Variants in CASKIN1 observed in about 807,000 individuals in gnomAD.
CASKIN1 encodes CASK interacting protein 1, also known as caskin-1.
CASKIN1 carries 42 observed loss-of-function variants against 117.5 expected under a neutral mutation model. The ratio of observed to expected loss-of-function variants is 0.36; its 90% CI spans 0.28 to 0.46. CASKIN1 has a LOEUF of 0.46. Among genes scored for constraint, CASKIN1 ranks in the 20% least tolerant of loss-of-function variants. The pLI is 1.00. For synonymous variants in CASKIN1, 1,148 were observed against 961.7 expected, an observed-to-expected ratio of 1.19 and a Z score of -3.59; for missense variants, 2,083 against 2,077.3, an observed-to-expected ratio of 1.00 and a Z score of -0.05.
In CASKIN1 at chr16:2,178,478, C is replaced by T; in HGVS notation, c.*72G>A. 5.6e-6 allele frequency: 7 copies of T among 1,252,238 alleles called. No homozygotes were observed. Among genetic ancestry groups the T allele is most frequent in the South Asian group, 4.4e-5 (3 of 68,674 alleles). 77.6% of individuals were successfully genotyped at this position (1,252,238 alleles called of 1,614,324 possible). On this transcript the variant is annotated 3_prime_UTR_variant, in exon 20 of 20. Transcript: ENST00000343516. ...CGGCCGCTCGCGCCGCGCCCAGACG[C>T]GCCCATCCTGAGGTATAGGTCAGTG...
intron 1 of CASKIN1, among the ~76,000 whole-genome samples, chr16:2,194,455 G>A (rs2093210053): frequency 1.3e-5 from 2 of 152,176 alleles, no homozygotes; most frequent in African/African-American, 4.8e-5. Context: ...CTGGAGGGAA[G>A]GGACTGGGCA....
At chr16:2,195,096 G>A (rs570142644) in intron 1 of CASKIN1, among the ~76,000 whole-genome samples, 4 of 152,350 alleles carry the variant, frequency 2.6e-5, no homozygotes, top group African/African-American at 9.6e-5. Flanking sequence ...TCCAGGCTCA[G>A]CTGAGGCTGC....
rs774739357 is a variant in CASKIN1 at position 2,178,880 on chromosome 16, C to T, written c.4199+22G>A. 14 of 1,418,302 alleles carry T rather than the reference C, an allele frequency of 9.9e-6. No homozygotes were observed. In the South Asian group the frequency reaches 1.9e-4, roughly 19 times the overall value. The allele number at this position is 1,418,302 out of a possible 1,614,324, so 87.9% of individuals were successfully genotyped here. ...TCTGCCGAGCCCCGCCCTCCGCCCG[C>T]CAGGCCCCGCCCCGCACCTACCGCG... On this transcript the variant is annotated intron_variant, in intron 19 of 19. Coordinates refer to ENST00000343516, the MANE Select transcript of CASKIN1 (RefSeq NM_020764.4).
Position 2,180,423 on chromosome 16 carries a change from T to A in CASKIN1, c.2945A>T (p.Gln982Leu). 1 of 1,570,934 alleles carries A rather than the reference T, an allele frequency of 6.4e-7. No homozygotes were observed. The highest frequency in any genetic ancestry group is 8.6e-7 in the Non-Finnish European group (1 of 1,165,788). The stretch of plus-strand genomic sequence containing the variant: ...GGCCAGGTCACTGGCCCGCCGGCAC[T>A]GTGCCCGGACCCCCAGCAGGCCATC... ...PEDGLLGVRAQCRRASDLAGS... is the reference protein window; with the variant it reads ...PEDGLLGVRALCRRASDLAGS... The change falls in exon 18 of 20, where the codon CAG becomes CTG. Residue 982 changes from glutamine to leucine, a missense_variant. By Grantham distance (113) the Gln-to-Leu change is moderately radical. Transcript: ENST00000343516.
chr16:2,189,416 C>T lies in CASKIN1; in HGVS notation c.390+3G>A. The stretch of plus-strand genomic sequence containing the variant: ...CGCTGCCCCGCCCCCGCTCGGGCCT[C>T]ACCACATCATAGTGACCATGCTGGG... On this transcript the variant is annotated splice_donor_region_variant and intron_variant, in intron 4 of 19. Transcript: ENST00000343516. The T allele has an allele frequency of 1.9e-6, 3 of 1,611,324 alleles. No homozygotes were observed. Among genetic ancestry groups the T allele is most frequent in the Non-Finnish European group, 2.5e-6 (3 of 1,179,306 alleles).
At position 2,189,427 on chromosome 16, in the gene CASKIN1, A is replaced by G; in HGVS notation, c.382T>C (p.Tyr128His). 6.2e-7 allele frequency: 1 copy of G among 1,611,566 alleles called. No individual in the cohort carries two copies. Among genetic ancestry groups the G allele is most frequent in the African/African-American group, 1.3e-5 (1 of 74,972 alleles). Residue 128 changes from tyrosine (Y) to histidine (H), a missense_variant, in exon 4 of 20, where the codon TAT becomes CAT. By Grantham distance (83) the Tyr-to-His change is moderately conservative (BLOSUM62 2). Transcript: ENST00000343516. The stretch of plus-strand genomic sequence containing the variant: ...CCCCGCTCGGGCCTCACCACATCAT[A>G]GTGACCATGCTGGGCCGCCAGGTGC... ...PLHLAAQHGH[Y>H]DVSEMLLQHQ...
rs1322523099 is a variant in CASKIN1, at chr16:2,190,390, G to A, written c.95-32C>T. 3 of 1,554,538 alleles carry A rather than the reference G, an allele frequency of 1.9e-6. No homozygotes were observed. The Middle Eastern group carries it at 5.2e-4, about 271-fold the overall frequency. On this transcript the variant is annotated intron_variant, in intron 1 of 19. Coordinates refer to ENST00000343516, the MANE Select transcript of CASKIN1 (RefSeq NM_020764.4). ...ATGGAAGGAGACTCAGTGAGGGGAGGCTGTGCCAGCCCCTCCAGGCGGCCT... is the reference window on the plus strand; with the variant it reads ...ATGGAAGGAGACTCAGTGAGGGGAGACTGTGCCAGCCCCTCCAGGCGGCCT...
chr16:2,186,869 CAG>C (rs756207538), intron 9 of CASKIN1, 45 bp from the exon 10 acceptor site: 25 of 1,606,966 alleles, frequency 1.6e-5, no homozygotes, highest in African/African-American at 1.2e-4. Flanking sequence ...CCCCCTTTCG[CAG>C]AGTCTCCTGC....
rs768392558 is a variant in CASKIN1 at position 2,178,548 on chromosome 16, G to A, written c.*2C>T. ...GCGCGGGAGGGCCCGGCCAGGCGGCGTTCACTCCAGCATGGCATCCAGCTG... is the reference window on the plus strand; with the variant it reads ...GCGCGGGAGGGCCCGGCCAGGCGGCATTCACTCCAGCATGGCATCCAGCTG... On this transcript the variant is annotated 3_prime_UTR_variant, in exon 20 of 20. Coordinates refer to ENST00000343516, the MANE Select transcript of CASKIN1 (RefSeq NM_020764.4). 7.0e-6 allele frequency: 11 copies of A among 1,582,356 alleles called. No individual in the cohort carries two copies. Among genetic ancestry groups the A allele is most frequent in the East Asian group, 2.3e-5 (1 of 42,742 alleles).
In CASKIN1 at chr16:2,180,494, A is replaced by G; in HGVS notation, c.2874T>C (p.Ala958=). The G allele has an allele frequency of 6.5e-7, 1 of 1,550,248 alleles. No individual in the cohort carries two copies. The highest frequency in any genetic ancestry group is 8.7e-7 in the Non-Finnish European group (1 of 1,154,140). ...PPPKRSSSAL[A]SANLADEPVP... ...CCGGCTCATCCGCCAGGTTGGCACTAGCCAGGGCCGAGCTGGAGCGCTTGG... is the reference window on the plus strand; with the variant it reads ...CCGGCTCATCCGCCAGGTTGGCACTGGCCAGGGCCGAGCTGGAGCGCTTGG... The change falls in exon 18 of 20, where the codon GCT becomes GCC. Residue 958 remains alanine (A), a synonymous_variant. Transcript: ENST00000343516.
In CASKIN1 at chr16:2,184,761, C is replaced by G. The variant is rs756955337; in HGVS notation, c.1416+16G>C. The G allele has an allele frequency of 6.7e-7, 1 of 1,494,930 alleles. No homozygotes were observed. Among genetic ancestry groups the G allele is most frequent in the South Asian group, 1.4e-5 (1 of 72,074 alleles). 92.6% of individuals were successfully genotyped at this position (1,494,930 alleles called of 1,614,324 possible). A position where few individuals can be genotyped will look rare whatever the true frequency, so the allele number is the denominator to read the frequency against. On this transcript the variant is annotated intron_variant, in intron 14 of 19. Coordinates refer to ENST00000343516, the MANE Select transcript of CASKIN1 (RefSeq NM_020764.4). ...CTCCCCGGAGCCCACGCTGAGAACA[C>G]CCCCAAGCCCTGTACCTTGCCCTCC...
At chr16:2,192,895 C>T (rs1460133249) in intron 1 of CASKIN1, among the ~76,000 whole-genome samples, 2 of 152,230 alleles carry the variant, frequency 1.3e-5, no homozygotes, top group Admixed American at 6.5e-5. Flanking sequence ...CGGACTGGAT[C>T]GATCTCCTCA....
In CASKIN1 at chr16:2,178,892, C is replaced by G; in HGVS notation, c.4199+10G>C. On this transcript the variant is annotated intron_variant, in intron 19 of 19. Coordinates refer to ENST00000343516, the MANE Select transcript of CASKIN1 (RefSeq NM_020764.4). ...CGCCCTCCGCCCGCCAGGCCCCGCC[C>G]CGCACCTACCGCGGGCCCTGCGCGT... is the stretch of plus-strand genomic sequence containing the variant. The G allele has an allele frequency of 6.9e-7, 1 of 1,444,236 alleles. No homozygotes were observed. The highest frequency in any genetic ancestry group is 9.0e-7 in the Non-Finnish European group (1 of 1,108,734). The allele number at this position is 1,444,236 out of a possible 1,614,324, so 89.5% of individuals were successfully genotyped here. A position where few individuals can be genotyped will look rare whatever the true frequency, so the allele number is the denominator to read the frequency against.
At position 2,181,167 on chromosome 16, in the gene CASKIN1, G is replaced by A. The variant is rs1437556814; in HGVS notation, c.2201C>T (p.Ala734Val). ...SQEYLLDEGPAPGTPPREARP... is the reference protein window; with the variant it reads ...SQEYLLDEGPVPGTPPREARP... ...GGCCTCCCTGGGCGGGGTGCCGGGG[G>A]CGGGGCCCTCATCCAGGAGGTACTC... The change falls in exon 18 of 20, where the codon GCC becomes GTC. Residue 734 changes from alanine (A) to valine (V), a missense_variant. By Grantham distance (64) the Ala-to-Val change is moderately conservative (BLOSUM62 0). Transcript: ENST00000343516. 1 of 1,513,928 alleles carries A rather than the reference G, an allele frequency of 6.6e-7. No individual in the cohort carries two copies. The highest frequency in any genetic ancestry group is 2.2e-5 in the Admixed American group (1 of 44,590). The allele number at this position is 1,513,928 out of a possible 1,614,324, so 93.8% of individuals were successfully genotyped here.
At chr16:2,190,393 G>A in intron 1 of CASKIN1, 35 bp from the exon 2 acceptor site, 1 of 1,550,734 alleles carries the variant, frequency 6.4e-7, no homozygotes, top group African/African-American at 1.4e-5. Context: ...AGGGGAGGCT[G>A]TGCCAGCCCC....
intron 19 of CASKIN1, 54 bp from the exon 20 acceptor site, chr16:2,178,700 C>G: frequency 6.7e-7 from 1 of 1,493,242 alleles, no homozygotes; most frequent in Non-Finnish European, 9.0e-7. Flanking sequence ...TGGCCACGCC[C>G]ACCCCGACCA....
Position 2,181,896 on chromosome 16 carries a change from G to A in CASKIN1, c.1663C>T (p.Leu555=), listed in dbSNP as rs780247193. 1.9e-6 allele frequency: 3 copies of A among 1,613,740 alleles called. No homozygotes were observed. The highest frequency in any genetic ancestry group is 1.7e-5 in the Admixed American group (1 of 60,020). ...ACCAACACCTTGTAGTACTGGGCCAGGCCGATCATGGACAGCCACACGGCC... is the reference window on the plus strand; with the variant it reads ...ACCAACACCTTGTAGTACTGGGCCAAGCCGATCATGGACAGCCACACGGCC... ...NLAVWLSMIG[L]AQYYKVLVDN... The change falls in exon 17 of 20, where the codon CTG becomes TTG. Residue 555 remains leucine, a synonymous_variant. Coordinates refer to ENST00000343516, the MANE Select transcript of CASKIN1 (RefSeq NM_020764.4).
In CASKIN1 at chr16:2,177,309, G is replaced by C. The variant is rs544546595; in HGVS notation, c.*1241C>G. ...GGGGGACAGCTGGGCACGTCCACTC[G>C]CAGGGAAACACGGGGTGAGACAGCA... On this transcript the variant is annotated 3_prime_UTR_variant, in exon 20 of 20. Transcript: ENST00000343516. 1 of 234,712 alleles carries C rather than the reference G, an allele frequency of 4.3e-6. No individual in the cohort carries two copies. The highest frequency in any genetic ancestry group is 2.2e-5 in the African/African-American group (1 of 45,444). 14.5% of individuals were successfully genotyped at this position (234,712 alleles called of 1,614,324 possible). A position where few individuals can be genotyped will look rare whatever the true frequency, so the allele number is the denominator to read the frequency against.
At chr16:2,186,876 TC>T in intron 9 of CASKIN1, 52 bp from the exon 10 acceptor site, 2 of 1,605,262 alleles carry the variant, frequency 1.2e-6, no homozygotes, top group Non-Finnish European at 1.7e-6. Context: ...TCGCAGAGTC[TC>T]CTGCCCAGTG....
Sources: allele counts gnomAD v4.1 joint callset (sites outside exome capture counted in the v4.1 genomes callset), GRCh38; gene constraint gnomAD v4.1.1; transcripts MANE v1.5; gene names NCBI Gene and HGNC (gene_info 2026-07-23, HGNC 2026-07-21).